The following SLC4A10 variants were observed in gnomAD, a reference collection of about 807,000 sequenced individuals.
The protein encoded by SLC4A10 is solute carrier family 4 member 10.
Under a neutral mutation model 137.7 loss-of-function variants are expected in SLC4A10, and 42 were observed. The observed-to-expected ratio is 0.30, with a 90% CI of 0.24 to 0.39. The LOEUF (loss-of-function observed/expected upper bound fraction) is 0.39, where lower values mean the gene tolerates loss of function less well. Ranked by LOEUF, SLC4A10 falls within the 10% of genes least tolerant of loss-of-function variation. The pLI is 1.00. For synonymous variants in SLC4A10, 474 were observed against 464.1 expected (o/e 1.02, Z -0.27); for missense variants, 925 against 1,355.0 (o/e 0.68, Z 4.98).
At chr2:161,738,185 A>G (rs934683186) in intron 1 of SLC4A10, among the ~76,000 whole-genome samples, 6 of 152,224 alleles carry the variant, frequency 3.9e-5, no homozygotes, top group Non-Finnish European at 8.8e-5. Context: ...TAAGAAACCA[A>G]TGGACAAAAT....
At chr2:161,809,026 C>T (rs768356341) in intron 3 of SLC4A10, among the ~76,000 whole-genome samples, 2 of 152,146 alleles carry the variant, frequency 1.3e-5, no homozygotes, top group Non-Finnish European at 2.9e-5. Context: ...TTTATATTCC[C>T]ACCAACAGTG....
In SLC4A10 at chr2:161,942,327, G is replaced by A. The variant is rs541402391; in HGVS notation, c.1998-465G>A. ...AACTTCTAAGGCTGTTAATTTGTGG[G>A]TATCTTTGTCTATATCTTCTTCTCA... On this transcript the variant is annotated intron_variant, in intron 15 of 26. Coordinates refer to ENST00000446997, the MANE Select transcript of SLC4A10 (RefSeq NM_001178015.2). 3.9e-5 allele frequency among the ~76,000 whole-genome samples: 6 copies of A among 152,168 alleles called. No homozygotes were observed. In the East Asian group the frequency reaches 5.8e-4, roughly 15 times the overall value.
intron 4 of SLC4A10, among the ~76,000 whole-genome samples, chr2:161,852,673 C>T (rs951036080): frequency 8.5e-5 from 13 of 152,132 alleles, no homozygotes; most frequent in Non-Finnish European, 1.8e-4. Context: ...TAAGCATTAG[C>T]ATAAGATCTT....
chr2:161,680,380 T>G (rs1337248425), intron 1 of SLC4A10, among the ~76,000 whole-genome samples: 1 of 152,054 alleles, frequency 6.6e-6, no homozygotes, highest in Admixed American at 6.6e-5. Context: ...GGTAAACATA[T>G]AGCAAAACCA....
At chr2:161,951,959 G>A (rs1694879305) in intron 19 of SLC4A10, among the ~76,000 whole-genome samples, 3 of 152,094 alleles carry the variant, frequency 2.0e-5, no homozygotes, top group Admixed American at 2.0e-4. Context: ...CGTAAGTTAA[G>A]AATTCTCACA....
At chr2:161,767,237 T>TATATATATATACAC (rs1559203939) in intron 1 of SLC4A10, among the ~76,000 whole-genome samples, 9 of 83,574 alleles carry the variant, frequency 1.1e-4, no homozygotes, top group African/African-American at 3.1e-4. Context: ...TATATACACA[T>TATATATATATACAC]ATATATATAT....
chr2:161,840,793 A>T (rs2059132367), intron 4 of SLC4A10, among the ~76,000 whole-genome samples: 1 of 152,222 alleles, frequency 6.6e-6, no homozygotes, highest in South Asian at 2.1e-4. Flanking sequence ...ATCACCTGGA[A>T]TATTGTTTAA....
chr2:161,806,956 CAGA>C (rs1418350027), intron 3 of SLC4A10, among the ~76,000 whole-genome samples: 3 of 152,112 alleles, frequency 2.0e-5, no homozygotes, highest in African/African-American at 4.8e-5. Flanking sequence ...AGGCAATTTA[CAGA>C]AGAAGGAGGT....
chr2:161,747,011 A>G (rs1322506823), intron 1 of SLC4A10, among the ~76,000 whole-genome samples: 1 of 151,962 alleles, frequency 6.6e-6, no homozygotes, highest in African/African-American at 2.4e-5. Context: ...TCAAGCTGTG[A>G]TGCCTGGATT....
chr2:161,975,102 G>A (rs1377328647), intron 24 of SLC4A10, among the ~76,000 whole-genome samples: 3 of 152,080 alleles, frequency 2.0e-5, no homozygotes, highest in Admixed American at 6.5e-5. Context: ...GAATTTTCTA[G>A]ATCTTTAGGG....
chr2:161,841,973 C>T (rs1037142041), intron 4 of SLC4A10, among the ~76,000 whole-genome samples: 3 of 152,086 alleles, frequency 2.0e-5, no homozygotes, highest in Admixed American at 1.3e-4. Context: ...ATCTTTTCCA[C>T]TTCATATATT....
chr2:161,945,048 C>T (rs77825624), intron 16 of SLC4A10, among the ~76,000 whole-genome samples: 1,971 of 150,784 alleles, frequency 0.013, 38 homozygotes, highest in East Asian at 0.098. Flanking sequence ...TTAGTTTTCT[C>T]TGATTCTCCC....
intron 4 of SLC4A10, among the ~76,000 whole-genome samples, chr2:161,854,758 T>C (rs1017643825): frequency 6.6e-6 from 1 of 152,190 alleles, no homozygotes; most frequent in African/African-American, 2.4e-5. Flanking sequence ...TTTCCTTTTT[T>C]TCAATTATTT....
intron 15 of SLC4A10, among the ~76,000 whole-genome samples, chr2:161,906,947 G>A (rs958926899): frequency 5.3e-5 from 8 of 151,418 alleles, no homozygotes; most frequent in Non-Finnish European, 7.4e-5. Context: ...TCCCAGCTAC[G>A]CGGGAGGCTG....
intron 19 of SLC4A10, among the ~76,000 whole-genome samples, chr2:161,956,001 C>T (rs532038814): frequency 1.8e-4 from 28 of 152,212 alleles, no homozygotes; most frequent in African/African-American, 6.5e-4. Context: ...GTGCTAAAAA[C>T]TAGAGGAAAT....
chr2:161,717,028 G>A (rs1559095596), intron 1 of SLC4A10, among the ~76,000 whole-genome samples: 1 of 152,074 alleles, frequency 6.6e-6, no homozygotes, highest in Non-Finnish European at 1.5e-5. Context: ...CTTGTTAGCT[G>A]TATTCTAGGT....
intron 2 of SLC4A10, among the ~76,000 whole-genome samples, chr2:161,781,671 G>GA (rs1458147992): frequency 6.6e-6 from 1 of 151,862 alleles, no homozygotes; most frequent in Non-Finnish European, 1.5e-5. Flanking sequence ...GATGGTCAAT[G>GA]AAAAAATGAC....
intron 15 of SLC4A10, among the ~76,000 whole-genome samples, chr2:161,915,733 C>T (rs772785882): frequency 6.6e-6 from 1 of 152,186 alleles, no homozygotes; most frequent in African/African-American, 2.4e-5. Flanking sequence ...CACTCATGCA[C>T]TCCCTCCTGC....
chr2:161,867,910 C>T (rs1271283690), intron 6 of SLC4A10, among the ~76,000 whole-genome samples: 1 of 151,788 alleles, frequency 6.6e-6, no homozygotes, highest in African/African-American at 2.4e-5. Context: ...CATCTCCTAC[C>T]CTTTGGGTAC....
Sources: gnomAD v4.1 joint callset for allele counts (sites outside exome capture counted in the v4.1 genomes callset) on GRCh38, gnomAD v4.1.1 for gene constraint, MANE v1.5 for transcripts, NCBI Gene and HGNC (gene_info 2026-07-23, HGNC 2026-07-21) for gene names.